Variants in OPCML observed in about 807,000 individuals in gnomAD.
OPCML encodes opioid-binding protein/cell adhesion molecule.
In OPCML, 13 loss-of-function variants were observed where a neutral mutation model predicts 37.8. The observed-to-expected ratio is 0.34, with a 90% confidence interval of 0.22 to 0.55. OPCML has a LOEUF of 0.55. Among genes scored for constraint, OPCML ranks in the 20% least tolerant of loss-of-function variants. The pLI is 0.91. For synonymous variants in OPCML, 176 were observed against 168.8 expected (o/e 1.04, Z -0.33); for missense variants, 341 against 435.6 (o/e 0.78, Z 1.93).
At chr11:132,479,110 T>A (rs558768238) in intron 4 of OPCML, among the ~76,000 whole-genome samples, 1 of 152,234 alleles carries the variant, frequency 6.6e-6, no homozygotes, top group Non-Finnish European at 1.5e-5. Flanking sequence ...TTTCTGCATT[T>A]CCATCTGAGG....
intron 4 of OPCML, among the ~76,000 whole-genome samples, chr11:132,477,787 C>T (rs1328364757): frequency 6.6e-6 from 1 of 152,132 alleles, no homozygotes; most frequent in African/African-American, 2.4e-5. Context: ...TTAAGGTAAT[C>T]ATTGACTTTA....
intron 2 of OPCML, among the ~76,000 whole-genome samples, chr11:132,887,142 T>C (rs766881621): frequency 2.0e-5 from 3 of 152,240 alleles, no homozygotes; most frequent in Non-Finnish European, 4.4e-5. Flanking sequence ...GGTGGTCTCG[T>C]AGGACCATAA....
At chr11:133,247,220 G>T (rs896780058) in intron 1 of OPCML, among the ~76,000 whole-genome samples, 1 of 152,132 alleles carries the variant, frequency 6.6e-6, no homozygotes, top group Non-Finnish European at 1.5e-5. Flanking sequence ...ACATATGAAG[G>T]GTGGGCTAGT....
chr11:133,140,921 ACG>A, intron 1 of OPCML, among the ~76,000 whole-genome samples: 1 of 19,278 alleles, frequency 5.2e-5, no homozygotes, highest in African/African-American at 9.6e-5. Flanking sequence ...GAAGAAGAAG[ACG>A]ACGACGACGA....
At chr11:132,694,221 A>G (rs1294306541) in intron 2 of OPCML, among the ~76,000 whole-genome samples, 4 of 91,606 alleles carry the variant, frequency 4.4e-5, no homozygotes, top group African/African-American at 1.9e-4. Flanking sequence ...TTTTTTTAAG[A>G]CGGAATCTTC....
intron 4 of OPCML, among the ~76,000 whole-genome samples, chr11:132,450,626 C>T (rs2096066102): frequency 6.6e-6 from 1 of 151,460 alleles, no homozygotes; most frequent in Non-Finnish European, 1.5e-5. Context: ...GAGAGTAAGT[C>T]ACGAAATTAA....
chr11:132,883,538 G>T (rs1007890194), intron 2 of OPCML, among the ~76,000 whole-genome samples: 1 of 152,128 alleles, frequency 6.6e-6, no homozygotes, highest in Non-Finnish European at 1.5e-5. Context: ...GGTATTCAAG[G>T]CATTTGGAAG....
At chr11:132,490,334 G>T (rs544754131) in intron 4 of OPCML, among the ~76,000 whole-genome samples, 1 of 151,958 alleles carries the variant, frequency 6.6e-6, no homozygotes, top group Admixed American at 6.6e-5. Context: ...TCACTCTCCT[G>T]GTTCTCCTCC....
chr11:132,533,217 C>T (rs2096331025), intron 3 of OPCML, among the ~76,000 whole-genome samples: 1 of 152,132 alleles, frequency 6.6e-6, no homozygotes, highest in South Asian at 2.1e-4. Context: ...ATCTGCTTAT[C>T]TTTCACTGAT....
intron 1 of OPCML, among the ~76,000 whole-genome samples, chr11:133,165,378 G>A (rs908271904): frequency 6.6e-6 from 1 of 152,048 alleles, no homozygotes; most frequent in African/African-American, 2.4e-5. Flanking sequence ...AGAAAACTCT[G>A]CACCTTGGCT....
chr11:132,643,701 C>A (rs1407049902), intron 3 of OPCML, among the ~76,000 whole-genome samples: 2 of 152,200 alleles, frequency 1.3e-5, no homozygotes, highest in Non-Finnish European at 2.9e-5. Context: ...AGGAGCCCCA[C>A]TCCTCCAGCC....
intron 1 of OPCML, among the ~76,000 whole-genome samples, chr11:133,481,035 T>G (rs1947360620): frequency 6.6e-6 from 1 of 152,232 alleles, no homozygotes; most frequent in Non-Finnish European, 1.5e-5. Context: ...GCCAGGCCTA[T>G]GTAGACATAG....
intron 2 of OPCML, among the ~76,000 whole-genome samples, chr11:132,682,734 A>G (rs1943006284): frequency 6.6e-6 from 1 of 152,176 alleles, no homozygotes; most frequent in Non-Finnish European, 1.5e-5. Flanking sequence ...CATCTCAGCC[A>G]TGAGTAAAAG....
chr11:133,140,763 CG>C (rs1949774065), intron 1 of OPCML, among the ~76,000 whole-genome samples: 2 of 48,874 alleles, frequency 4.1e-5, no homozygotes, highest in African/African-American at 9.2e-5. Context: ...AAGAAGACGA[CG>C]AAGAAGAAGA....
intron 1 of OPCML, among the ~76,000 whole-genome samples, chr11:133,371,406 G>A (rs181186613): frequency 6.6e-6 from 1 of 152,292 alleles, no homozygotes; most frequent in African/African-American, 2.4e-5. Context: ...AAGTAACATG[G>A]TTTAGCTCTG....
intron 1 of OPCML, among the ~76,000 whole-genome samples, chr11:133,396,766 T>C (rs1945294937): frequency 6.6e-6 from 1 of 152,190 alleles, no homozygotes; most frequent in Non-Finnish European, 1.5e-5. Flanking sequence ...TTCTCTTCTT[T>C]GTATCTTTGT....
At chr11:132,913,806 C>T (rs568517626) in intron 2 of OPCML, among the ~76,000 whole-genome samples, 163 of 152,282 alleles carry the variant, frequency 1.1e-3, no homozygotes, top group African/African-American at 3.8e-3. Context: ...AGTAAAAATC[C>T]ATATCTGCTT....
chr11:132,725,778 C>CAAA (rs34622834), intron 2 of OPCML, among the ~76,000 whole-genome samples: 4 of 73,902 alleles, frequency 5.4e-5, no homozygotes, highest in African/African-American at 1.7e-4. Context: ...GACTCCATCT[C>CAAA]AAAAAAAAAA....
At chr11:132,838,791 C>T (rs1482998417) in intron 2 of OPCML, among the ~76,000 whole-genome samples, 1 of 152,154 alleles carries the variant, frequency 6.6e-6, no homozygotes, top group Admixed American at 6.5e-5. Context: ...TCATTCATGG[C>T]ACGGCCGCCG....
Sources: allele counts gnomAD v4.1 joint callset (sites outside exome capture counted in the v4.1 genomes callset), GRCh38; gene constraint gnomAD v4.1.1; transcripts MANE v1.5; gene names NCBI Gene and HGNC (gene_info 2026-07-23, HGNC 2026-07-21).